The following MUSK variants were observed in gnomAD, a reference collection of about 807,000 sequenced individuals.
The protein encoded by MUSK is muscle associated receptor tyrosine kinase.
Under a neutral mutation model 88.7 loss-of-function variants are expected in MUSK, and 55 were observed. That is an observed-to-expected ratio of 0.62 (90% CI 0.50 to 0.78). The LOEUF is 0.78. Among genes scored for constraint, MUSK ranks in the 30% least tolerant of loss-of-function variants. The pLI is 0.00. For synonymous variants in MUSK, 387 were observed against 391.9 expected, an observed-to-expected ratio of 0.99 and a Z score of 0.15; for missense variants, 1,015 against 1,074.3, an observed-to-expected ratio of 0.94 and a Z score of 0.77.
intron 11 of MUSK, among the ~76,000 whole-genome samples, chr9:110,780,906 C>G (rs1348628244): frequency 6.6e-6 from 1 of 152,040 alleles, no homozygotes; most frequent in East Asian, 1.9e-4. Flanking sequence ...AATCTTTATC[C>G]CATTGAAATC....
At chr9:110,770,279 TAA>T (rs570890781) in intron 9 of MUSK, among the ~76,000 whole-genome samples, 4 of 147,194 alleles carry the variant, frequency 2.7e-5, no homozygotes, top group African/African-American at 4.9e-5. Flanking sequence ...AATAATTATA[TAA>T]GTTATATAAT....
chr9:110,748,683 A>G (rs554988074), intron 7 of MUSK, among the ~76,000 whole-genome samples: 13 of 152,160 alleles, frequency 8.5e-5, no homozygotes, highest in African/African-American at 3.1e-4. Flanking sequence ...GCTTGTGCCT[A>G]GGGCCAACTC....
intron 7 of MUSK, among the ~76,000 whole-genome samples, chr9:110,755,978 A>G (rs1388157412): frequency 2.7e-5 from 2 of 72,916 alleles, no homozygotes; most frequent in African/African-American, 9.3e-5. Context: ...ATATATATAT[A>G]CATATATATA....
intron 5 of MUSK, among the ~76,000 whole-genome samples, chr9:110,716,143 GA>G (rs61499703): frequency 1.3e-5 from 2 of 148,526 alleles, no homozygotes; most frequent in Non-Finnish European, 3.0e-5. Flanking sequence ...GAAGTTGGGG[GA>G]AAAAAAAGAA....
In MUSK at chr9:110,803,343, C is replaced by G. The variant is rs528134690; in HGVS notation, c.*2355C>G. On this transcript the variant is annotated 3_prime_UTR_variant, in exon 15 of 15. Transcript: ENST00000374448. ...TTTGTTTTTGAGACGGAGTCTCGCTCTGTCGCCCAGGCTGGAGTGCAGTGG... is the reference window on the plus strand; with the variant it reads ...TTTGTTTTTGAGACGGAGTCTCGCTGTGTCGCCCAGGCTGGAGTGCAGTGG... Among the ~76,000 whole-genome samples, 9 of 152,228 alleles carry G rather than the reference C, an allele frequency of 5.9e-5. No individual in the cohort carries two copies. The South Asian group carries it at 1.9e-3, about 32-fold the overall frequency.
chr9:110,738,360 G>A (rs573996776), intron 6 of MUSK, among the ~76,000 whole-genome samples: 1 of 152,186 alleles, frequency 6.6e-6, no homozygotes, highest in African/African-American at 2.4e-5. Context: ...CTTGCATAGA[G>A]CACTATCTTA....
At position 110,689,942 on chromosome 9, in the gene MUSK, A is replaced by C. The variant is rs1213953076; in HGVS notation, c.358+2674A>C. 5.3e-5 allele frequency among the ~76,000 whole-genome samples: 5 copies of C among 94,924 alleles called. No homozygotes were observed. In the East Asian group the frequency reaches 9.7e-4, roughly 18 times the overall value. 62.3% of individuals were successfully genotyped at this position (94,924 alleles called of 152,430 possible). A position where few individuals can be genotyped will look rare whatever the true frequency, so the allele number is the denominator to read the frequency against. On this transcript the variant is annotated intron_variant, in intron 3 of 14. Coordinates refer to ENST00000374448, the MANE Select transcript of MUSK (RefSeq NM_005592.4). The stretch of plus-strand genomic sequence containing the variant: ...ATATTTAAATATAATATATAAATAT[A>C]TATTTAAATATAAATATATATTTAT...
At position 110,803,316 on chromosome 9, in the gene MUSK, G is replaced by A. The variant is rs1283089632; in HGVS notation, c.*2328G>A. Among the ~76,000 whole-genome samples, 1 of 152,140 alleles carries A rather than the reference G, an allele frequency of 6.6e-6. No homozygotes were observed. The highest frequency in any genetic ancestry group is 6.5e-5 in the Admixed American group (1 of 15,278). On this transcript the variant is annotated 3_prime_UTR_variant, in exon 15 of 15. Coordinates refer to ENST00000374448, the MANE Select transcript of MUSK (RefSeq NM_005592.4). The stretch of plus-strand genomic sequence containing the variant: ...ATACATTTTAGTTTTGCTTTGTTTT[G>A]TTTTGTTTTTGAGACGGAGTCTCGC...
rs754652206 is a variant in MUSK at position 110,688,792 on chromosome 9, T to C, written c.358+1524T>C. On this transcript the variant is annotated intron_variant, in intron 3 of 14. Transcript: ENST00000374448. ...ATCCATGTCCCTGCAAAGGACATGA[T>C]TTCATTCCATTTTATGGCTCTGTAG... Among the ~76,000 whole-genome samples, 218 of 151,956 alleles carry C rather than the reference T, an allele frequency of 1.4e-3. 1 individual carries two copies. The highest frequency in any genetic ancestry group is 2.6e-3 in the Non-Finnish European group (178 of 67,966).
At chr9:110,783,472 T>C (rs534788234) in intron 11 of MUSK, among the ~76,000 whole-genome samples, 6 of 152,236 alleles carry the variant, frequency 3.9e-5, no homozygotes, top group Admixed American at 6.5e-5. Context: ...GTTCCTATCA[T>C]TTTCCTTAAG....
Position 110,789,492 on chromosome 9 carries a change from T to A in MUSK, c.1927+1654T>A, listed in dbSNP as rs537186020. 1.4e-4 allele frequency among the ~76,000 whole-genome samples: 22 copies of A among 152,268 alleles called. No homozygotes were observed. The South Asian group carries it at 4.6e-3, about 32-fold the overall frequency. On this transcript the variant is annotated intron_variant, in intron 14 of 14. Transcript: ENST00000374448. ...AGTGGGAATTCATTTAAAGATGTGG[T>A]TTTTGTCCAGGCACTGTGGCTCACG...
chr9:110,789,271 C>T (rs577826361), intron 14 of MUSK, among the ~76,000 whole-genome samples: 3 of 152,294 alleles, frequency 2.0e-5, no homozygotes, highest in South Asian at 2.1e-4. Flanking sequence ...TAGTGAAGAT[C>T]GTGAGAAGTG....
chr9:110,710,133 A>G (rs1232432491), intron 5 of MUSK, among the ~76,000 whole-genome samples: 2 of 152,208 alleles, frequency 1.3e-5, no homozygotes, highest in East Asian at 1.9e-4. Context: ...AGTCTAGGAC[A>G]TGTTCCACTA....
intron 6 of MUSK, among the ~76,000 whole-genome samples, chr9:110,739,422 A>G (rs2077070384): frequency 6.6e-6 from 1 of 152,118 alleles, no homozygotes; most frequent in African/African-American, 2.4e-5. Context: ...GCTCAGTTAC[A>G]TAGATGTGGA....
At chr9:110,790,322 A>G (rs865884342) in intron 14 of MUSK, among the ~76,000 whole-genome samples, 11 of 152,300 alleles carry the variant, frequency 7.2e-5, no homozygotes, top group African/African-American at 1.9e-4. Flanking sequence ...TCTGGAGAAA[A>G]AGTATAAACA....
intron 13 of MUSK, 104 bp from the exon 14 acceptor site, chr9:110,787,586 G>A: frequency 2.5e-6 from 3 of 1,186,224 alleles, no homozygotes; most frequent in Non-Finnish European, 3.5e-6. Flanking sequence ...GACTTAACCA[G>A]CCTTTTACAC....
In MUSK at chr9:110,803,515, T is replaced by C. The variant is rs1202861237; in HGVS notation, c.*2527T>C. On this transcript the variant is annotated 3_prime_UTR_variant, in exon 15 of 15. Coordinates refer to ENST00000374448, the MANE Select transcript of MUSK (RefSeq NM_005592.4). The stretch of plus-strand genomic sequence containing the variant: ...TATACTGTAGAGCCTCTGTACATGA[T>C]AGAAGCAATAACTGAACCTCAGTAA... 1.3e-5 allele frequency among the ~76,000 whole-genome samples: 2 copies of C among 152,232 alleles called. No homozygotes were observed. The highest frequency in any genetic ancestry group is 1.3e-4 in the Admixed American group (2 of 15,284).
chr9:110,688,534 TG>T (rs1243417066), intron 3 of MUSK, among the ~76,000 whole-genome samples: 1 of 152,070 alleles, frequency 6.6e-6, no homozygotes, highest in African/African-American at 2.4e-5. Context: ...ACATGTGCCA[TG>T]GTGGTATACT....
intron 5 of MUSK, among the ~76,000 whole-genome samples, chr9:110,723,005 T>C (rs1017706616): frequency 1.3e-5 from 2 of 152,114 alleles, no homozygotes; most frequent in African/African-American, 4.8e-5. Context: ...AGATCTACCA[T>C]TTGATCCAGC....
Sources: allele counts gnomAD v4.1 joint callset (sites outside exome capture counted in the v4.1 genomes callset), GRCh38; gene constraint gnomAD v4.1.1; transcripts MANE v1.5; gene names NCBI Gene and HGNC (gene_info 2026-07-23, HGNC 2026-07-21).